The following CRACDL variants were observed in gnomAD, a reference collection of about 807,000 sequenced individuals.
The protein encoded by CRACDL is CRACD-like protein.
Under a neutral mutation model 70.6 loss-of-function variants are expected in CRACDL, and 26 were observed. The ratio of observed to expected loss-of-function variants is 0.37; its 90% CI spans 0.27 to 0.51. CRACDL has a LOEUF of 0.51. CRACDL is among the 20% of genes least tolerant of loss of function. The pLI is 0.94. For missense variants in CRACDL, 1,283 were observed against 1,376.9 expected (o/e 0.93, Z 1.08); for synonymous variants, 618 against 615.2 (o/e 1.00, Z -0.07).
At chr2:98,857,453 T>G (rs1033170773) in intron 1 of CRACDL, among the ~76,000 whole-genome samples, 12 of 152,152 alleles carry the variant, frequency 7.9e-5, no homozygotes, top group Non-Finnish European at 1.3e-4. Flanking sequence ...AGGAGTAATG[T>G]TTTTATATCT....
intron 5 of CRACDL, among the ~76,000 whole-genome samples, chr2:98,829,723 G>A (rs752212504): frequency 8.5e-5 from 13 of 152,182 alleles, no homozygotes; most frequent in Non-Finnish European, 1.6e-4. Context: ...TTTCATGGGC[G>A]GCCCTGAGTG....
chr2:98,917,116 A>G (rs891317924), intron 1 of CRACDL, among the ~76,000 whole-genome samples: 4 of 152,044 alleles, frequency 2.6e-5, no homozygotes, highest in Non-Finnish European at 5.9e-5. Context: ...TGCCTTCTTC[A>G]TTTAGCCTTA....
At position 98,832,332 on chromosome 2, in the gene CRACDL, T is replaced by C. The variant is rs1157685887; in HGVS notation, c.540+16A>G. ...AGGTGTGGATGAAGACATGCAGTGG[T>C]ACAGGCCGCACTTGCCTTTATGGTG... is the stretch of plus-strand genomic sequence containing the variant. On this transcript the variant is annotated intron_variant, in intron 5 of 9. Transcript: ENST00000397899. 1 of 1,613,854 alleles carries C rather than the reference T, an allele frequency of 6.2e-7. No homozygotes were observed. Among genetic ancestry groups the C allele is most frequent in the Non-Finnish European group, 8.5e-7 (1 of 1,179,940 alleles).
rs1217646285 is a variant in CRACDL at position 98,822,515 on chromosome 2, G to A, written c.1758C>T (p.Gly586=). The part of the protein sequence containing the change: ...VSSCRARPRP[G]VSRPLERASG... The stretch of plus-strand genomic sequence containing the variant: ...TGGCCCGTTCCAGCGGGCGGGAGAC[G>A]CCCGGACGAGGCCGCGCTCGGCACG... The change falls in exon 7 of 10, where the codon GGC becomes GGT. Residue 586 remains glycine, a synonymous_variant. Coordinates refer to ENST00000397899, the MANE Select transcript of CRACDL (RefSeq NM_207362.3). This position sits in a 1 kb window ranked among gnomAD's most constrained non-coding sequence, Gnocchi z 4.9. 1.8e-5 allele frequency: 26 copies of A among 1,458,352 alleles called. No individual in the cohort carries two copies. The highest frequency in any genetic ancestry group is 6.0e-5 in the East Asian group (2 of 33,184). The allele number at this position is 1,458,352 out of a possible 1,614,324, so 90.3% of individuals were successfully genotyped here.
intron 1 of CRACDL, chr2:98,897,420 G>T: frequency 7.7e-7 from 1 of 1,302,970 alleles, no homozygotes; most frequent in Non-Finnish European, 1.0e-6. Flanking sequence ...TCAGTCACAG[G>T]TGTCCTTATC....
intron 7 of CRACDL, among the ~76,000 whole-genome samples, chr2:98,811,761 C>T (rs1249396639): frequency 6.6e-6 from 1 of 152,096 alleles, no homozygotes; most frequent in African/African-American, 2.4e-5. Context: ...ATATTTTTGC[C>T]TCTTCCAAAT....
chr2:98,828,106 T>A lies in CRACDL; in HGVS notation c.541-937A>T, dbSNP rs148471007. ...ACCTGGGACAAAGGGATGCTGGCAG[T>A]CATGTGAAAGAATGAAGGCAATACC... On this transcript the variant is annotated intron_variant, in intron 5 of 9. Transcript: ENST00000397899. Among the ~76,000 whole-genome samples, 427 of 152,266 alleles carry A rather than the reference T, an allele frequency of 2.8e-3. 1 individual carries two copies. The highest frequency in any genetic ancestry group is 9.9e-3 in the African/African-American group (412 of 41,548).
intron 1 of CRACDL, among the ~76,000 whole-genome samples, chr2:98,914,243 G>A (rs1708613005): frequency 1.3e-5 from 2 of 152,234 alleles, no homozygotes; most frequent in South Asian, 2.1e-4. Context: ...GCAGACATGG[G>A]AAGGGGCCCT....
chr2:98,905,236 C>T (rs1284133230), intron 1 of CRACDL, among the ~76,000 whole-genome samples: 2 of 135,364 alleles, frequency 1.5e-5, no homozygotes, highest in Non-Finnish European at 3.1e-5. Flanking sequence ...GGTGACAGAG[C>T]CAGACTCTGT....
At chr2:98,826,300 C>T (rs1250322534) in intron 6 of CRACDL, among the ~76,000 whole-genome samples, 1 of 152,192 alleles carries the variant, frequency 6.6e-6, no homozygotes, top group Admixed American at 6.5e-5. Context: ...GCTAGTGTTT[C>T]AGCTTCTTTC....
chr2:98,867,760 T>A (rs1196681603), intron 1 of CRACDL, among the ~76,000 whole-genome samples: 10 of 152,192 alleles, frequency 6.6e-5, no homozygotes. Flanking sequence ...GCTGCACACA[T>A]ATGTGACGAA....
chr2:98,870,332 T>C (rs1359858903), intron 1 of CRACDL, among the ~76,000 whole-genome samples: 2 of 152,226 alleles, frequency 1.3e-5, no homozygotes, highest in African/African-American at 4.8e-5. Flanking sequence ...ATGGCAACTG[T>C]ATATAGAATT....
chr2:98,882,002 G>A (rs1218312314), intron 1 of CRACDL, among the ~76,000 whole-genome samples: 3 of 152,196 alleles, frequency 2.0e-5, no homozygotes, highest in African/African-American at 7.2e-5. Flanking sequence ...CAGTAGAGTT[G>A]ATGGGACTAA....
At chr2:98,856,830 C>T (rs1020936864) in intron 1 of CRACDL, among the ~76,000 whole-genome samples, 1 of 152,198 alleles carries the variant, frequency 6.6e-6, no homozygotes, top group African/African-American at 2.4e-5. Context: ...ATGGTCCCTG[C>T]AACAAGTTCC....
intron 1 of CRACDL, among the ~76,000 whole-genome samples, chr2:98,877,686 T>G (rs1252594273): frequency 6.6e-6 from 1 of 151,028 alleles, no homozygotes; most frequent in Admixed American, 6.6e-5. Flanking sequence ...GAGGAGGAGG[T>G]TGCAGTGAGC....
rs761473727 is a variant in CRACDL at position 98,823,415 on chromosome 2, C to A, written c.858G>T (p.Ala286=). Reference sequence around the variant, plus strand: ...GCCCAGGCTCAGGGCCTCTGTCTGGCGCCACGTCCTGCTGCCCAGAGCTGG... The same window carrying A: ...GCCCAGGCTCAGGGCCTCTGTCTGGAGCCACGTCCTGCTGCCCAGAGCTGG... ...ERPSSGQQDV[A]PDRGPEPGPP... Residue 286 remains alanine, a synonymous_variant, in exon 7 of 10, where the codon GCG becomes GCT. Coordinates refer to ENST00000397899, the MANE Select transcript of CRACDL (RefSeq NM_207362.3). This position sits in a 1 kb window ranked among gnomAD's most constrained non-coding sequence, Gnocchi z 4.0. 1.4e-5 allele frequency: 22 copies of A among 1,566,736 alleles called. No homozygotes were observed. The highest frequency in any genetic ancestry group is 1.8e-5 in the Non-Finnish European group (21 of 1,164,570).
chr2:98,863,551 G>C (rs970564936), intron 1 of CRACDL, among the ~76,000 whole-genome samples: 1 of 152,188 alleles, frequency 6.6e-6, no homozygotes, highest in East Asian at 1.9e-4. Flanking sequence ...TGTATTTTAC[G>C]TGATTTAAGA....
chr2:98,893,360 T>C (rs2104640777), intron 1 of CRACDL, among the ~76,000 whole-genome samples: 1 of 152,260 alleles, frequency 6.6e-6, no homozygotes, highest in South Asian at 2.1e-4. Flanking sequence ...CTCAGTTCAC[T>C]ACAAGCTCCG....
chr2:98,911,111 AC>A (rs955766842), intron 1 of CRACDL, among the ~76,000 whole-genome samples: 1 of 151,484 alleles, frequency 6.6e-6, no homozygotes, highest in African/African-American at 2.4e-5. Flanking sequence ...GAGGTGAGAG[AC>A]CCCCACGCCC....
Sources: gnomAD v4.1 joint callset for allele counts (sites outside exome capture counted in the v4.1 genomes callset) on GRCh38, gnomAD v4.1.1 for gene constraint, Gnocchi (gnomAD v3.1) non-coding constraint, MANE v1.5 for transcripts, NCBI Gene and HGNC (gene_info 2026-07-23, HGNC 2026-07-21) for gene names.